Variants in RBFOX1 observed in about 807,000 individuals in gnomAD.
The protein encoded by RBFOX1 is RNA binding protein fox-1 homolog 1.
Under a neutral mutation model 57.7 loss-of-function variants are expected in RBFOX1, and 8 were observed. That is an observed-to-expected ratio of 0.14 (90% CI 0.08 to 0.25). The LOEUF is 0.25. Ranked by LOEUF, RBFOX1 falls within the 10% of genes least tolerant of loss-of-function variation. The probability of loss-of-function intolerance (pLI) is 1.00; values close to 1 mark genes in which losing one functional copy is unlikely to be tolerated. For synonymous variants in RBFOX1, 326 were observed against 222.4 expected (o/e 1.47, Z -4.15); for missense variants, 611 against 548.5 (o/e 1.11, Z -1.14).
intron 1 of RBFOX1, among the ~76,000 whole-genome samples, chr16:6,159,279 G>T (rs1032732384): frequency 1.3e-5 from 2 of 152,074 alleles, no homozygotes; most frequent in South Asian, 2.1e-4. Context: ...GTTTCACCAT[G>T]TTGGCCAAGT....
At chr16:5,779,600 T>C (rs561827491) in intron 3 of RBFOX1, among the ~76,000 whole-genome samples, 3 of 152,224 alleles carry the variant, frequency 2.0e-5, no homozygotes, top group Non-Finnish European at 2.9e-5. Flanking sequence ...TTCTTGTGAA[T>C]GTTGGTGAGC....
At chr16:7,407,164 A>C (rs557021486) in intron 4 of RBFOX1, among the ~76,000 whole-genome samples, 1 of 152,298 alleles carries the variant, frequency 6.6e-6, no homozygotes, top group East Asian at 1.9e-4. Flanking sequence ...GCCCATCACC[A>C]GAGCAGTATA....
intron 2 of RBFOX1, among the ~76,000 whole-genome samples, chr16:6,439,662 TC>T (rs2094326078): frequency 6.6e-6 from 1 of 152,238 alleles, no homozygotes; most frequent in South Asian, 2.1e-4. Flanking sequence ...CAGAACTACT[TC>T]TAGTTGCTAA....
At chr16:6,258,277 A>T (rs1033150709) in intron 1 of RBFOX1, among the ~76,000 whole-genome samples, 1 of 152,212 alleles carries the variant, frequency 6.6e-6, no homozygotes, top group Admixed American at 6.5e-5. Flanking sequence ...CAACCAAAAT[A>T]GCCCCAGAAG....
chr16:6,952,431 G>T (rs147890290), intron 3 of RBFOX1, among the ~76,000 whole-genome samples: 2,702 of 152,232 alleles, frequency 0.018, 84 homozygotes, highest in African/African-American at 0.062. Context: ...AGGATTGCTT[G>T]AGCCCAGGAG....
intron 3 of RBFOX1, among the ~76,000 whole-genome samples, chr16:6,841,401 G>C (rs1239740997): frequency 6.6e-6 from 1 of 152,158 alleles, no homozygotes; most frequent in Non-Finnish European, 1.5e-5. Flanking sequence ...AGCCCAGAGT[G>C]TTAATTGACA....
chr16:6,496,040 C>A (rs531556525), intron 2 of RBFOX1, among the ~76,000 whole-genome samples: 7 of 152,170 alleles, frequency 4.6e-5, no homozygotes, highest in African/African-American at 1.7e-4. Context: ...ATGTGGAAGA[C>A]AAGAACAAGC....
chr16:5,667,610 G>T (rs931546573), intron 3 of RBFOX1, among the ~76,000 whole-genome samples: 4 of 152,136 alleles, frequency 2.6e-5, no homozygotes, highest in African/African-American at 4.8e-5. Flanking sequence ...TATCTTGCTT[G>T]TATATTCGGG....
At chr16:6,947,849 T>A (rs1189102737) in intron 3 of RBFOX1, among the ~76,000 whole-genome samples, 2 of 152,216 alleles carry the variant, frequency 1.3e-5, no homozygotes, top group African/African-American at 4.8e-5. Flanking sequence ...CAATCTTGGC[T>A]CACTGCAAAG....
intron 4 of RBFOX1, among the ~76,000 whole-genome samples, chr16:7,202,547 T>C (rs1231561315): frequency 1.3e-5 from 2 of 152,174 alleles, no homozygotes; most frequent in Non-Finnish European, 2.9e-5. Context: ...TACCGGTGTA[T>C]GGCCTGTTAG....
chr16:6,705,285 C>G (rs953185303), intron 3 of RBFOX1: 3 of 151,840 alleles, frequency 2.0e-5, no homozygotes, highest in Non-Finnish European at 4.4e-5. Context: ...GCAAAGGTTT[C>G]TCACTGTTTG....
chr16:6,381,106 A>C (rs73532326), intron 2 of RBFOX1, among the ~76,000 whole-genome samples: 25 of 152,152 alleles, frequency 1.6e-4, no homozygotes, highest in Non-Finnish European at 2.1e-4. Flanking sequence ...GAGGAAATCA[A>C]ATGGGAGACA....
At chr16:5,759,731 C>T (rs1232178037) in intron 3 of RBFOX1, among the ~76,000 whole-genome samples, 1 of 152,152 alleles carries the variant, frequency 6.6e-6, no homozygotes, top group Non-Finnish European at 1.5e-5. Context: ...ATGGCAGTTA[C>T]CACTTTGGCT....
intron 3 of RBFOX1, among the ~76,000 whole-genome samples, chr16:5,835,650 G>T (rs1203041572): frequency 6.6e-6 from 1 of 152,170 alleles, no homozygotes; most frequent in Non-Finnish European, 1.5e-5. Flanking sequence ...AGGTGGCTCT[G>T]CCTGGACCCT....
chr16:5,522,115 C>T (rs1488624281), intron 2 of RBFOX1, among the ~76,000 whole-genome samples: 2 of 152,226 alleles, frequency 1.3e-5, no homozygotes, highest in East Asian at 3.9e-4. Context: ...GGAGTAAGCT[C>T]ATGCTCCTTC....
At chr16:7,402,444 A>C (rs1350770144) in intron 4 of RBFOX1, among the ~76,000 whole-genome samples, 1 of 152,242 alleles carries the variant, frequency 6.6e-6, no homozygotes, top group African/African-American at 2.4e-5. Flanking sequence ...TTCACAAATA[A>C]TAGTATCCCA....
intron 2 of RBFOX1, among the ~76,000 whole-genome samples, chr16:6,431,835 G>A (rs895696444): frequency 1.3e-5 from 2 of 151,866 alleles, no homozygotes; most frequent in Non-Finnish European, 2.9e-5. Flanking sequence ...CATTTACAGA[G>A]TTATTGTGAT....
Position 7,534,077 on chromosome 16 carries a change from GT to G in RBFOX1, c.270+15696del, listed in dbSNP as rs1368213825. Among the ~76,000 whole-genome samples, 3 of 114,248 alleles carry G rather than the reference GT, an allele frequency of 2.6e-5. No homozygotes were observed. The Admixed American group carries it at 2.7e-4, about 10-fold the overall frequency. 75.0% of individuals were successfully genotyped at this position (114,248 alleles called of 152,430 possible). ...CCTGATTCATGTCAAAGGTCCCAAC[GT>G]TTTTTTTCTTTTTTTTTTTTTTTTG... On this transcript the variant is annotated intron_variant, in intron 5 of 15. Coordinates refer to ENST00000550418, the MANE Select transcript of RBFOX1 (RefSeq NM_018723.4).
At chr16:7,095,485 T>G (rs1322235932) in intron 4 of RBFOX1, among the ~76,000 whole-genome samples, 1 of 152,180 alleles carries the variant, frequency 6.6e-6, no homozygotes, top group East Asian at 1.9e-4. Context: ...AAAACATGCT[T>G]AATTTTTATC....
Sources: gnomAD v4.1 joint callset for allele counts (sites outside exome capture counted in the v4.1 genomes callset) on GRCh38, gnomAD v4.1.1 for gene constraint, MANE v1.5 for transcripts, NCBI Gene and HGNC (gene_info 2026-07-23, HGNC 2026-07-21) for gene names.